MSI2: variants seen among roughly 807,000 people sequenced by gnomAD.
MSI2 encodes the protein RNA-binding protein Musashi homolog 2.
Under a neutral mutation model 45.6 loss-of-function variants are expected in MSI2, and 17 were observed. The ratio of observed to expected loss-of-function variants is 0.37; its 90% CI spans 0.26 to 0.56. The LOEUF is 0.56. Among genes scored for constraint, MSI2 ranks in the 20% least tolerant of loss-of-function variants. The pLI, the probability that MSI2 is intolerant of heterozygous loss-of-function variation, is 0.77. For synonymous variants in MSI2, 156 were observed against 158.2 expected (o/e 0.99, Z 0.11); for missense variants, 293 against 444.2 (o/e 0.66, Z 3.06).
At chr17:57,477,907 T>G (rs2085572336) in intron 6 of MSI2, among the ~76,000 whole-genome samples, 1 of 152,152 alleles carries the variant, frequency 6.6e-6, no homozygotes, top group Admixed American at 6.5e-5. Context: ...CAGCCTTGGT[T>G]TAATCCATGT....
chr17:57,363,876 C>T (rs779479282), intron 5 of MSI2, among the ~76,000 whole-genome samples: 6 of 152,182 alleles, frequency 3.9e-5, no homozygotes, highest in Non-Finnish European at 8.8e-5. Flanking sequence ...TTAAGCCAGA[C>T]AGGTGAGAAC....
chr17:57,574,775 G>A (rs2087971939), intron 7 of MSI2, among the ~76,000 whole-genome samples: 1 of 151,976 alleles, frequency 6.6e-6, no homozygotes, highest in African/African-American at 2.4e-5. Flanking sequence ...AGATGAGCAG[G>A]ACAGATGGCT....
At chr17:57,686,966 A>G (rs892169314), downstream of MSI2, among the ~76,000 whole-genome samples, 2 of 151,806 alleles carry the variant, frequency 1.3e-5, no homozygotes, top group African/African-American at 2.4e-5. Flanking sequence ...TTTGGTTTAT[A>G]TTCATGGAAC....
intron 5 of MSI2, among the ~76,000 whole-genome samples, chr17:57,340,155 G>T (rs1347804510): frequency 6.6e-6 from 1 of 152,130 alleles, no homozygotes; most frequent in Non-Finnish European, 1.5e-5. Flanking sequence ...CCTCACAGTA[G>T]CCCTCTGAGA....
chr17:57,280,485 G>C lies in MSI2; in HGVS notation c.312+18293G>C, dbSNP rs1046501818. ...CTGAGAATTGGAGCAGCAGCTTGGT[G>C]GTTTGGTTAGTTGAGGAGTAGCAAG... On this transcript the variant is annotated intron_variant, in intron 5 of 13. Coordinates refer to ENST00000284073, the MANE Select transcript of MSI2 (RefSeq NM_138962.4). This position sits in a 1 kb window ranked among gnomAD's most constrained non-coding sequence, Gnocchi z 4.2. 6.6e-5 allele frequency among the ~76,000 whole-genome samples: 10 copies of C among 152,162 alleles called. No homozygotes were observed. Among genetic ancestry groups the C allele is most frequent in the Non-Finnish European group, 1.3e-4 (9 of 68,022 alleles).
At chr17:57,293,444 C>T (rs184522677) in intron 5 of MSI2, among the ~76,000 whole-genome samples, 14 of 152,314 alleles carry the variant, frequency 9.2e-5, no homozygotes, top group Middle Eastern at 3.4e-3. Context: ...TCCACCTCCG[C>T]CTCCTCCTCA....
chr17:57,467,051 T>C (rs2085343008), intron 6 of MSI2, among the ~76,000 whole-genome samples: 2 of 152,236 alleles, frequency 1.3e-5, no homozygotes. Context: ...TGTATCTTTT[T>C]AGAGAAACTT....
chr17:57,386,172 T>C (rs1406405816), intron 5 of MSI2, among the ~76,000 whole-genome samples: 1 of 152,214 alleles, frequency 6.6e-6, no homozygotes, highest in Non-Finnish European at 1.5e-5. Context: ...CCAAGTAGCC[T>C]GGAAGGGTTT....
intron 6 of MSI2, among the ~76,000 whole-genome samples, chr17:57,435,202 A>C (rs977827623): frequency 6.6e-6 from 1 of 152,090 alleles, no homozygotes; most frequent in Non-Finnish European, 1.5e-5. Context: ...CTGGTTTTGA[A>C]GCTAAGCCCT....
intron 5 of MSI2, among the ~76,000 whole-genome samples, chr17:57,293,085 G>T (rs1910566848): frequency 6.6e-6 from 1 of 151,532 alleles, no homozygotes; most frequent in Non-Finnish European, 1.5e-5. Flanking sequence ...AACATTTGAA[G>T]AATTTACTGC....
intron 8 of MSI2, among the ~76,000 whole-genome samples, chr17:57,597,719 G>A (rs914028353): frequency 4.6e-5 from 7 of 152,186 alleles, no homozygotes; most frequent in East Asian, 1.9e-4. Context: ...CCTATGAGTC[G>A]TAACTTGCTG....
intron 5 of MSI2, among the ~76,000 whole-genome samples, chr17:57,355,881 A>C (rs958180634): frequency 6.6e-6 from 1 of 152,018 alleles, no homozygotes; most frequent in African/African-American, 2.4e-5. Flanking sequence ...GACATAGGCT[A>C]TGTTTCCCAG....
At position 57,473,953 on chromosome 17, in the gene MSI2, CTT is replaced by C. The variant is rs540277598; in HGVS notation, c.406-55722_406-55721del. Reference sequence around the variant, plus strand: ...ACCAGCTGATGGGAGCTGACCCAGACTTATTATGATTTTGCTGTTTTTTTCGG... The same window carrying C: ...ACCAGCTGATGGGAGCTGACCCAGACATTATGATTTTGCTGTTTTTTTCGG... On this transcript the variant is annotated intron_variant, in intron 6 of 13. Coordinates refer to ENST00000284073, the MANE Select transcript of MSI2 (RefSeq NM_138962.4). Among the ~76,000 whole-genome samples the C allele has an allele frequency of 6.4e-4, 97 of 152,298 alleles. 1 individual carries two copies. The highest frequency in any genetic ancestry group is 2.3e-3 in the African/African-American group (95 of 41,554).
At chr17:57,330,920 G>T (rs201296804) in intron 5 of MSI2, among the ~76,000 whole-genome samples, 42,799 of 142,954 alleles carry the variant, frequency 0.3, 10,053 homozygotes, top group African/African-American at 0.68. Flanking sequence ...CTTTTTTTTT[G>T]TGTGTGTGAC....
chr17:57,508,259 C>T (rs2143922960), intron 6 of MSI2, among the ~76,000 whole-genome samples: 1 of 152,282 alleles, frequency 6.6e-6, no homozygotes, highest in South Asian at 2.1e-4. Context: ...CTCAATGCCA[C>T]ACACTGCAAC....
intron 6 of MSI2, among the ~76,000 whole-genome samples, chr17:57,462,549 T>C (rs1410473069): frequency 6.6e-6 from 1 of 152,226 alleles, no homozygotes; most frequent in Non-Finnish European, 1.5e-5. Flanking sequence ...AGCAGGGGTT[T>C]ATGAGTGTGG....
intron 11 of MSI2, among the ~76,000 whole-genome samples, chr17:57,653,685 T>C (rs1352560411): frequency 6.6e-6 from 1 of 152,188 alleles, no homozygotes; most frequent in Non-Finnish European, 1.5e-5. Flanking sequence ...AGTTTCTTTC[T>C]TTTTATAACT....
intron 5 of MSI2, among the ~76,000 whole-genome samples, chr17:57,300,996 T>G (rs1466065781): frequency 1.3e-5 from 2 of 152,154 alleles, no homozygotes; most frequent in African/African-American, 2.4e-5. Flanking sequence ...ATCTCTCACT[T>G]GTTAGGTCCT....
chr17:57,616,297 G>A, intron 9 of MSI2: 1 of 450,616 alleles, frequency 2.2e-6, no homozygotes, highest in East Asian at 3.5e-5. Flanking sequence ...GTGTGTGTGT[G>A]TGTGTGTTTG....
Sources: allele counts gnomAD v4.1 joint callset (sites outside exome capture counted in the v4.1 genomes callset), GRCh38; gene constraint gnomAD v4.1.1; non-coding constraint Gnocchi (gnomAD v3.1); transcripts MANE v1.5; gene names NCBI Gene and HGNC (gene_info 2026-07-23, HGNC 2026-07-21).